PTCHD4: variants seen among roughly 807,000 people sequenced by gnomAD.
The protein encoded by PTCHD4 is patched domain-containing protein 4.
A neutral mutation model predicts 58.1 loss-of-function variants in PTCHD4; 33 were observed. The ratio of observed to expected loss-of-function variants is 0.57; its 90% CI spans 0.43 to 0.76. The LOEUF is 0.76. PTCHD4 is among the 30% of genes least tolerant of loss of function. The pLI is 0.00. For missense variants in PTCHD4, 1,058 were observed against 1,027.1 expected (o/e 1.03, Z -0.41); for synonymous variants, 478 against 409.6 (o/e 1.17, Z -2.02).
Position 48,071,341 on chromosome 6 carries a change from T to C in PTCHD4, c.-969-1415A>G, listed in dbSNP as rs78627338. 4.5e-3 allele frequency among the ~76,000 whole-genome samples: 681 copies of C among 152,294 alleles called. 6 individuals are homozygous for C. Among genetic ancestry groups the C allele is most frequent in the African/African-American group, 0.015 (641 of 41,556 alleles). On this transcript the variant is annotated intron_variant, in intron 1 of 4. Coordinates refer to ENST00000339488, the MANE Select transcript of PTCHD4 (RefSeq NM_001384253.1). ...ACCACTCTGACATAAATGTAAATCA[T>C]GTTGTAGAATTATAATGGCATGGAA... is the stretch of plus-strand genomic sequence containing the variant.
At chr6:47,963,230 A>G (rs947306206) in intron 4 of PTCHD4, among the ~76,000 whole-genome samples, 1 of 152,098 alleles carries the variant, frequency 6.6e-6, no homozygotes, top group Non-Finnish European at 1.5e-5. Context: ...GCCAACAAAT[A>G]TATATAAAGA....
chr6:47,880,531 T>A (rs13217336), intron 4 of PTCHD4, among the ~76,000 whole-genome samples: 97,680 of 150,734 alleles, frequency 0.65, 32,308 homozygotes, highest in East Asian at 0.77. Flanking sequence ...TGTGAGTTTT[T>A]AAAAAAAAAA....
chr6:48,078,041 G>GA (rs1012661907), intron 1 of PTCHD4, among the ~76,000 whole-genome samples: 3 of 151,872 alleles, frequency 2.0e-5, no homozygotes, highest in African/African-American at 4.8e-5. Flanking sequence ...GTTTGTAGGA[G>GA]AAAAAAAACA....
At chr6:47,917,976 G>GGGAT (rs1257530766) in intron 4 of PTCHD4, among the ~76,000 whole-genome samples, 3 of 152,130 alleles carry the variant, frequency 2.0e-5, no homozygotes, top group Non-Finnish European at 2.9e-5. Context: ...AGGTGGCGGG[G>GGGAT]GGATGGATGG....
intron 1 of PTCHD4, among the ~76,000 whole-genome samples, chr6:48,074,355 G>A (rs76707643): frequency 2.6e-5 from 4 of 152,076 alleles, no homozygotes; most frequent in Non-Finnish European, 4.4e-5. Context: ...TTTTCCTCTC[G>A]GCCTTGCCCA....
chr6:47,884,565 C>G (rs1561938853), intron 4 of PTCHD4, among the ~76,000 whole-genome samples: 1 of 152,206 alleles, frequency 6.6e-6, no homozygotes, highest in Non-Finnish European at 1.5e-5. Context: ...ACATGCCCCA[C>G]TGAATGATGA....
intron 1 of PTCHD4, among the ~76,000 whole-genome samples, chr6:48,107,005 C>A (rs569603222): frequency 1.3e-5 from 2 of 152,110 alleles, no homozygotes; most frequent in Admixed American, 6.5e-5. Flanking sequence ...GAATCAATAT[C>A]GTGAAAATAG....
intron 4 of PTCHD4, among the ~76,000 whole-genome samples, chr6:47,919,548 A>G (rs1020216082): frequency 3.3e-5 from 5 of 152,196 alleles, no homozygotes; most frequent in Non-Finnish European, 7.4e-5. Flanking sequence ...GAGTTCTAGC[A>G]GAGAGACTGG....
intron 4 of PTCHD4, among the ~76,000 whole-genome samples, chr6:47,964,531 C>A (rs1043751376): frequency 6.6e-6 from 1 of 152,142 alleles, no homozygotes; most frequent in Non-Finnish European, 1.5e-5. Context: ...GTACAAATTT[C>A]TACCATAGAC....
At chr6:48,101,522 T>C (rs970881752) in intron 1 of PTCHD4, among the ~76,000 whole-genome samples, 3 of 152,200 alleles carry the variant, frequency 2.0e-5, no homozygotes, top group Non-Finnish European at 2.9e-5. Flanking sequence ...TCATGGGATG[T>C]AGTCATAAAG....
At chr6:48,030,200 T>C (rs1763386824) in intron 3 of PTCHD4, among the ~76,000 whole-genome samples, 1 of 152,084 alleles carries the variant, frequency 6.6e-6, no homozygotes, top group African/African-American at 2.4e-5. Context: ...TCAGGCCATG[T>C]TTAATGAGAC....
intron 4 of PTCHD4, among the ~76,000 whole-genome samples, chr6:47,976,380 C>T (rs888019464): frequency 7.9e-5 from 12 of 152,106 alleles, no homozygotes; most frequent in African/African-American, 2.9e-4. Flanking sequence ...ACTGGCCAGG[C>T]GCTGTGGCTC....
chr6:48,003,591 C>T lies in PTCHD4; in HGVS notation c.898+5043G>A, dbSNP rs115964759. On this transcript the variant is annotated intron_variant, in intron 4 of 4. Coordinates refer to ENST00000339488, the MANE Select transcript of PTCHD4 (RefSeq NM_001384253.1). ...TTTGCAATAACCTGTTAAATAGTCT[C>T]TGTAGAATTATTCTTGCCCCATTGC... is the stretch of plus-strand genomic sequence containing the variant. Among the ~76,000 whole-genome samples, 1,366 of 152,328 alleles carry T rather than the reference C, an allele frequency of 9.0e-3. 21 individuals carry two copies. Among genetic ancestry groups the T allele is most frequent in the African/African-American group, 0.031 (1,270 of 41,582 alleles).
At chr6:47,991,865 A>T (rs1768291369) in intron 4 of PTCHD4, among the ~76,000 whole-genome samples, 1 of 152,114 alleles carries the variant, frequency 6.6e-6, no homozygotes, top group Non-Finnish European at 1.5e-5. Flanking sequence ...GATGAATTAT[A>T]TTAATTCAAT....
chr6:47,938,551 G>A (rs995168221), intron 4 of PTCHD4, among the ~76,000 whole-genome samples: 17 of 152,214 alleles, frequency 1.1e-4, no homozygotes, highest in African/African-American at 3.9e-4. Context: ...AACTAAAGGC[G>A]ATGGGAGAGA....
In PTCHD4 at chr6:47,879,555, T is replaced by C; in HGVS notation, c.1280A>G (p.His427Arg). 6.2e-7 allele frequency: 1 copy of C among 1,613,804 alleles called. No individual in the cohort carries two copies. Among genetic ancestry groups the C allele is most frequent in the East Asian group, 2.2e-5 (1 of 44,866 alleles). ...VWFQTVMSDGHQQTSHHETNP... is the reference protein window; with the variant it reads ...VWFQTVMSDGRQQTSHHETNP... ...CGTCTCATGATGGGACGTCTGTTGA[T>C]GCCCATCACTCATCACTGTCTGGAA... The change falls in exon 5 of 5, where the codon CAT becomes CGT. Residue 427 changes from histidine to arginine, a missense_variant. Physicochemically the swap from His to Arg is conservative, Grantham distance 29. Coordinates refer to ENST00000339488, the MANE Select transcript of PTCHD4 (RefSeq NM_001384253.1).
chr6:47,943,169 TG>T (rs1175027546), intron 4 of PTCHD4, among the ~76,000 whole-genome samples: 1 of 152,194 alleles, frequency 6.6e-6, no homozygotes, highest in Admixed American at 6.6e-5. Context: ...ATTTATTTTT[TG>T]TATTTGAAAT....
chr6:47,883,823 T>C (rs1434508884), intron 4 of PTCHD4, among the ~76,000 whole-genome samples: 2 of 152,192 alleles, frequency 1.3e-5, no homozygotes, highest in African/African-American at 4.8e-5. Flanking sequence ...CATTGTCAAA[T>C]GTTGCCTGTG....
chr6:47,889,491 T>G (rs911679210), intron 4 of PTCHD4, among the ~76,000 whole-genome samples: 6 of 152,192 alleles, frequency 3.9e-5, no homozygotes, highest in Middle Eastern at 3.4e-3. Context: ...CTTCACCCAC[T>G]TTTTGATGGG....
Sources: allele counts gnomAD v4.1 joint callset (sites outside exome capture counted in the v4.1 genomes callset), GRCh38; gene constraint gnomAD v4.1.1; transcripts MANE v1.5; gene names NCBI Gene and HGNC (gene_info 2026-07-23, HGNC 2026-07-21).